RNF150: variants seen among roughly 807,000 people sequenced by gnomAD.
RNF150 encodes ring finger protein 150.
RNF150 carries 24 observed loss-of-function variants against 39.3 expected under a neutral mutation model. That is an observed-to-expected ratio of 0.61 (90% CI 0.44 to 0.86). The LOEUF is 0.86. RNF150 is among the 40% of genes least tolerant of loss of function. The pLI is 0.00. For missense variants in RNF150, 502 were observed against 587.8 expected, an observed-to-expected ratio of 0.85 and a Z score of 1.51; for synonymous variants, 255 against 227.3, an observed-to-expected ratio of 1.12 and a Z score of -1.10.
chr4:140,956,300 A>C (rs1732751974), intron 2 of RNF150, among the ~76,000 whole-genome samples: 2 of 152,100 alleles, frequency 1.3e-5, no homozygotes, highest in South Asian at 4.1e-4. Context: ...GGGTTTTCAT[A>C]AGTATGGTAA....
At chr4:140,898,572 C>T (rs1346215526) in intron 6 of RNF150, among the ~76,000 whole-genome samples, 8 of 152,222 alleles carry the variant, frequency 5.3e-5, no homozygotes, top group Non-Finnish European at 1.2e-4. Context: ...TATGTTCCTA[C>T]ATAGGTGCAT....
Position 141,131,902 on chromosome 4 carries a change from A to G in RNF150, c.484+423T>C, listed in dbSNP as rs111604965. 7.8e-4 allele frequency among the ~76,000 whole-genome samples: 118 copies of G among 152,160 alleles called. 1 individual carries two copies. Among genetic ancestry groups the G allele is most frequent in the African/African-American group, 2.6e-3 (108 of 41,532 alleles). On this transcript the variant is annotated intron_variant, in intron 1 of 6. Transcript: ENST00000515673. Reference sequence around the variant, plus strand: ...AGCAGGTAACCCTACCCCTCTCCTGATATAGCGCCTGCATCAGGGTATACC... The same window carrying G: ...AGCAGGTAACCCTACCCCTCTCCTGGTATAGCGCCTGCATCAGGGTATACC...
intron 6 of RNF150, among the ~76,000 whole-genome samples, chr4:140,880,668 TG>T (rs1729341233): frequency 6.6e-6 from 1 of 151,794 alleles, no homozygotes; most frequent in East Asian, 1.9e-4. Context: ...TTTGTTTGTT[TG>T]TTTTAAACAA....
At chr4:141,114,074 C>T (rs940872924) in intron 1 of RNF150, among the ~76,000 whole-genome samples, 2 of 152,074 alleles carry the variant, frequency 1.3e-5, no homozygotes, top group African/African-American at 2.4e-5. Context: ...CTAACATTGA[C>T]ACCCCAAAAT....
chr4:141,152,854 T>C (rs943815286), intron 1 of RNF150, among the ~76,000 whole-genome samples: 3 of 152,204 alleles, frequency 2.0e-5, no homozygotes, highest in Admixed American at 2.0e-4. Context: ...AATTTTACTT[T>C]AATTTCTGGG....
intron 1 of RNF150, among the ~76,000 whole-genome samples, chr4:141,054,990 G>T (rs1451291956): frequency 6.6e-6 from 1 of 152,066 alleles, no homozygotes; most frequent in African/African-American, 2.4e-5. Context: ...CACACATAAA[G>T]AAATGTCAAT....
intron 1 of RNF150, among the ~76,000 whole-genome samples, chr4:141,110,368 G>A (rs28612386): frequency 0.038 from 5,739 of 151,958 alleles, 367 homozygotes; most frequent in African/African-American, 0.13. Flanking sequence ...CAGGATTCAC[G>A]GCTCTTTCTT....
chr4:141,116,566 G>A (rs1265643173), intron 1 of RNF150, among the ~76,000 whole-genome samples: 2 of 152,214 alleles, frequency 1.3e-5, no homozygotes, highest in African/African-American at 4.8e-5. Context: ...TTCAACCATT[G>A]TAGAAGACAG....
At chr4:141,176,528 A>G (rs1030058344) in intron 1 of RNF150, among the ~76,000 whole-genome samples, 8 of 152,216 alleles carry the variant, frequency 5.3e-5, no homozygotes, top group African/African-American at 1.7e-4. Flanking sequence ...ATCTAACAAT[A>G]AAGCACAAAG....
At chr4:141,140,126 A>G (rs1727094220) in intron 1 of RNF150, among the ~76,000 whole-genome samples, 1 of 152,208 alleles carries the variant, frequency 6.6e-6, no homozygotes, top group South Asian at 2.1e-4. Flanking sequence ...TTCTGCTACA[A>G]GTACTGCAGA....
intron 6 of RNF150, among the ~76,000 whole-genome samples, chr4:140,889,164 T>C (rs1452634717): frequency 1.3e-5 from 2 of 152,148 alleles, no homozygotes; most frequent in Non-Finnish European, 2.9e-5. Context: ...ATTACAGACA[T>C]GAGCCACTGT....
At chr4:141,097,250 A>G (rs1344980981) in intron 1 of RNF150, among the ~76,000 whole-genome samples, 1 of 152,192 alleles carries the variant, frequency 6.6e-6, no homozygotes, top group Non-Finnish European at 1.5e-5. Context: ...AGCCTCGTTC[A>G]GTGTCAGAAA....
intron 5 of RNF150, among the ~76,000 whole-genome samples, chr4:140,916,903 A>C (rs1054341136): frequency 2.6e-5 from 4 of 152,362 alleles, no homozygotes; most frequent in African/African-American, 4.8e-5. Flanking sequence ...TTCTTAAAGA[A>C]AAGAATTTTC....
rs1322433365 is a variant in RNF150, at chr4:140,862,354, T to A, written c.*5907A>T. On this transcript the variant is annotated 3_prime_UTR_variant, in exon 7 of 7. Transcript: ENST00000515673. The stretch of plus-strand genomic sequence containing the variant: ...TGGTAGCACAGAATTAGAAGATCTT[T>A]GATCACTGAAATTCCTGAAAAAGCC... 1.3e-5 allele frequency: 2 copies of A among 152,242 alleles called. No individual in the cohort carries two copies. Among genetic ancestry groups the A allele is most frequent in the African/African-American group, 4.8e-5 (2 of 41,452 alleles). The allele number at this position is 152,242 out of a possible 1,614,324, so 9.4% of individuals were successfully genotyped here.
intron 1 of RNF150, among the ~76,000 whole-genome samples, chr4:141,158,565 C>T (rs1165866454): frequency 2.0e-5 from 3 of 152,122 alleles, no homozygotes; most frequent in African/African-American, 7.2e-5. Flanking sequence ...GGAATTACAA[C>T]TATAGAAAGC....
chr4:140,891,097 G>T (rs1729738793), intron 6 of RNF150, among the ~76,000 whole-genome samples: 1 of 152,152 alleles, frequency 6.6e-6, no homozygotes, highest in East Asian at 1.9e-4. Context: ...AATGAAGGTG[G>T]GATGTGTGAG....
chr4:140,986,473 G>T (rs1345984017), intron 1 of RNF150, among the ~76,000 whole-genome samples: 1 of 152,014 alleles, frequency 6.6e-6, no homozygotes, highest in Non-Finnish European at 1.5e-5. Flanking sequence ...TCATTGCAAA[G>T]CTCACGTTTG....
intron 1 of RNF150, among the ~76,000 whole-genome samples, chr4:141,103,992 A>C (rs1739109696): frequency 6.6e-6 from 1 of 152,214 alleles, no homozygotes; most frequent in South Asian, 2.1e-4. Flanking sequence ...TTCTGAGTCA[A>C]CCCATATTTA....
intron 1 of RNF150, among the ~76,000 whole-genome samples, chr4:141,114,040 C>T (rs1441554479): frequency 6.6e-6 from 1 of 152,058 alleles, no homozygotes; most frequent in African/African-American, 2.4e-5. Context: ...GCACTAAATG[C>T]CCACAGGAGA....
Sources: allele counts gnomAD v4.1 joint callset (sites outside exome capture counted in the v4.1 genomes callset), GRCh38; gene constraint gnomAD v4.1.1; transcripts MANE v1.5; gene names NCBI Gene and HGNC (gene_info 2026-07-23, HGNC 2026-07-21).